The following TMC3 variants were observed in gnomAD, a reference collection of about 807,000 sequenced individuals.
The protein encoded by TMC3 is transmembrane channel-like protein 3.
Under a neutral mutation model 110.6 loss-of-function variants are expected in TMC3, and 98 were observed. That is an observed-to-expected ratio of 0.89 (90% CI 0.75 to 1.05). The LOEUF is 1.05. Among genes scored for constraint, TMC3 ranks in the 50% least tolerant of loss-of-function variants. The probability of loss-of-function intolerance (pLI) is 0.00; values close to 1 mark genes in which losing one functional copy is unlikely to be tolerated. For synonymous variants in TMC3, 489 were observed against 513.1 expected (o/e 0.95, Z 0.63); for missense variants, 1,319 against 1,373.2 (o/e 0.96, Z 0.62).
rs769837970 is a variant in TMC3, at chr15:81,333,059, T to G, written c.2663A>C (p.Tyr888Ser). ...GTAAGAGTCACATTCATTAATGACATAGTATCTGGGGGCGTGGGGCCTGGG... is the reference window on the plus strand; with the variant it reads ...GTAAGAGTCACATTCATTAATGACAGAGTATCTGGGGGCGTGGGGCCTGGG... ...QGPRPHAPRY[Y>S]VINECDSYKK... The change falls in exon 22 of 22, where the codon TAT (tyrosine) becomes TCT (serine). Residue 888 changes from tyrosine (Y) to serine (S), a missense_variant. Coordinates refer to ENST00000359440, the MANE Select transcript of TMC3 (RefSeq NM_001080532.3). The G allele has an allele frequency of 4.3e-6, 7 of 1,614,004 alleles. No homozygotes were observed. The African/African-American group carries it at 6.7e-5, about 15-fold the overall frequency.
chr15:81,362,619 C>G (rs923018379), intron 3 of TMC3, among the ~76,000 whole-genome samples: 4 of 152,094 alleles, frequency 2.6e-5, no homozygotes, highest in African/African-American at 9.7e-5. Flanking sequence ...TTTGCATTAG[C>G]CATCCCATTC....
At chr15:81,333,366 C>G in intron 21 of TMC3, 104 bp from the exon 22 acceptor site, 5 of 1,421,550 alleles carry the variant, frequency 3.5e-6, no homozygotes, top group Non-Finnish European at 4.7e-6. Flanking sequence ...TTCACTGAGG[C>G]TGGTTCCAAC....
rs200283479 is a variant in TMC3 at position 81,334,814 on chromosome 15, G to A, written c.2365C>T (p.Gln789Ter). The A allele has an allele frequency of 6.8e-6, 11 of 1,614,004 alleles. No homozygotes were observed. Among genetic ancestry groups the A allele is most frequent in the African/African-American group, 1.3e-5 (1 of 75,052 alleles). ...SKSGRIETVA[Q>*]SMPQSPRPGD... is the part of the protein sequence containing the mutation. ...GGCCTCGGGCTCTGGGGCATGGACT[G>A]TGCGACTGTCTCTATCCTGCCACTC... Residue 789 changes from glutamine to a stop codon, truncating the protein, a stop_gained, in exon 21 of 22, where the codon CAG becomes TAG. Coordinates refer to ENST00000359440, the MANE Select transcript of TMC3 (RefSeq NM_001080532.3). LOFTEE classifies it high-confidence loss of function.
At chr15:81,337,501 G>T in intron 19 of TMC3, 1 of 403,798 alleles carries the variant, frequency 2.5e-6, no homozygotes, top group Admixed American at 3.6e-5. Context: ...TTGGGAAGGG[G>T]CCCTTTCTCT....
rs1894064961 is a variant in TMC3, at chr15:81,356,507, G to T, written c.831C>A (p.Tyr277Ter). 1 of 1,570,832 alleles carries T rather than the reference G, an allele frequency of 6.4e-7. No individual in the cohort carries two copies. Among genetic ancestry groups the T allele is most frequent in the East Asian group, 2.3e-5 (1 of 42,604 alleles). Residue 277 changes from tyrosine (Y) to a stop codon, truncating the protein, a stop_gained, in exon 8 of 22, where the codon TAC becomes TAA. Transcript: ENST00000359440. LOFTEE classifies it high-confidence loss of function. ...CTGCAGCCTCTGGGTTTCCAATGAG[G>T]TAATCCCAGGCACAGAACACCCGCC... ...FCWRVFCAWD[Y>*]LIGNPEAAES...
rs370641374 is a variant in TMC3, at chr15:81,333,049, A to T, written c.2673T>A (p.Asn891Lys). The T allele has an allele frequency of 6.2e-7, 1 of 1,613,986 alleles. No individual in the cohort carries two copies. Among genetic ancestry groups the T allele is most frequent in the Non-Finnish European group, 8.5e-7 (1 of 1,179,886 alleles). The change falls in exon 22 of 22, where the codon AAT (asparagine) becomes AAA (lysine). Residue 891 changes from asparagine to lysine, a missense_variant. Coordinates refer to ENST00000359440, the MANE Select transcript of TMC3 (RefSeq NM_001080532.3). Reference protein sequence around the residue: ...RPHAPRYYVINECDSYKKKHL... With the variant: ...RPHAPRYYVIKECDSYKKKHL... ...GTTTTTTCTTGTAAGAGTCACATTCATTAATGACATAGTATCTGGGGGCGT... is the reference window on the plus strand; with the variant it reads ...GTTTTTTCTTGTAAGAGTCACATTCTTTAATGACATAGTATCTGGGGGCGT...
intron 4 of TMC3, among the ~76,000 whole-genome samples, chr15:81,359,894 T>C (rs1325341901): frequency 6.6e-6 from 1 of 152,160 alleles, no homozygotes; most frequent in Non-Finnish European, 1.5e-5. Flanking sequence ...TAAAACACCA[T>C]TTGCTAGATG....
chr15:81,343,219 A>G (rs1431801132), intron 15 of TMC3, 59 bp downstream of exon 15: 1 of 1,089,476 alleles, frequency 9.2e-7, no homozygotes, highest in Non-Finnish European at 1.4e-6. Context: ...GACTAAGTAA[A>G]TTAAAATCTT....
At chr15:81,364,682 TA>T (rs35537034) in intron 3 of TMC3, among the ~76,000 whole-genome samples, 45 of 95,098 alleles carry the variant, frequency 4.7e-4, no homozygotes, top group African/African-American at 2.0e-3. Flanking sequence ...TAAAGTATAA[TA>T]AAAAAAAACA....
chr15:81,364,496 C>T (rs943196215), intron 3 of TMC3, among the ~76,000 whole-genome samples: 50 of 134,002 alleles, frequency 3.7e-4, no homozygotes, highest in African/African-American at 1.4e-3. Flanking sequence ...ATCACATGGA[C>T]ACAGGAAGGG....
At chr15:81,338,259 T>A (rs1476108998) in intron 18 of TMC3, among the ~76,000 whole-genome samples, 1 of 152,206 alleles carries the variant, frequency 6.6e-6, no homozygotes, top group Non-Finnish European at 1.5e-5. Flanking sequence ...CTTTTATTTT[T>A]TTTTCCTTTA....
chr15:81,351,560 C>T, intron 10 of TMC3, 134 bp downstream of exon 10: 12 of 1,129,946 alleles, frequency 1.1e-5, no homozygotes, highest in Non-Finnish European at 1.5e-5. Flanking sequence ...TCATGTTGGC[C>T]AGGCTGGGCT....
Position 81,372,544 on chromosome 15 carries a change from C to T in TMC3, c.236+47G>A, listed in dbSNP as rs755215804. The T allele has an allele frequency of 8.7e-6, 14 of 1,609,428 alleles. No homozygotes were observed. The East Asian group carries it at 1.3e-4, about 15-fold the overall frequency. On this transcript the variant is annotated intron_variant, in intron 2 of 21. Coordinates refer to ENST00000359440, the MANE Select transcript of TMC3 (RefSeq NM_001080532.3). ...CCATGGGCAAGGCAAGGTGGTTTAT[C>T]GGAAAGCATGCTTGTAATGATCAAT... is the stretch of plus-strand genomic sequence containing the variant.
intron 10 of TMC3, among the ~76,000 whole-genome samples, 187 bp from the exon 11 acceptor site, chr15:81,349,754 A>G (rs78529642): frequency 0.056 from 7,976 of 141,246 alleles, 262 homozygotes; most frequent in East Asian, 0.16. Context: ...CCACTTTATC[A>G]TGGTCTTTTT....
At position 81,362,259 on chromosome 15, in the gene TMC3, T is replaced by G. The variant is rs533578038; in HGVS notation, c.355A>C (p.Ile119Leu). 6.2e-7 allele frequency: 1 copy of G among 1,612,796 alleles called. No individual in the cohort carries two copies. The highest frequency in any genetic ancestry group is 1.1e-5 in the South Asian group (1 of 90,724). ...FARLACNFVV[I>L]FIPWEMRIKK... is the part of the protein sequence containing the mutation. ...ATCCTCATTTCCCAGGGAATGAAGA[T>G]GACCACAAAGTTACAGGCGAGACGA... The change falls in exon 4 of 22, where the codon ATC becomes CTC. Residue 119 changes from isoleucine to leucine, a missense_variant. Coordinates refer to ENST00000359440, the MANE Select transcript of TMC3 (RefSeq NM_001080532.3).
At chr15:81,333,379 G>C (rs1213047911) in intron 21 of TMC3, 117 bp from the exon 22 acceptor site, 1 of 1,360,348 alleles carries the variant, frequency 7.4e-7, no homozygotes, top group Non-Finnish European at 9.9e-7. Context: ...GTTCCAACTG[G>C]TTAATGGGTA....
chr15:81,364,187 A>G (rs1470695082), intron 3 of TMC3, among the ~76,000 whole-genome samples: 6 of 152,082 alleles, frequency 3.9e-5, no homozygotes, highest in African/African-American at 1.2e-4. Flanking sequence ...CCCCATCAGT[A>G]GTGCTTGAGG....
In TMC3 at chr15:81,367,209, A is replaced by G. The variant is rs539676711; in HGVS notation, c.312+1044T>C. ...TTAAATATCCACCAGCGGCCAAATG[A>G]CTAATTAAATTAATATACATTTATC... On this transcript the variant is annotated intron_variant, in intron 3 of 21. Transcript: ENST00000359440. Among the ~76,000 whole-genome samples, 9 of 152,328 alleles carry G rather than the reference A, an allele frequency of 5.9e-5. No individual in the cohort carries two copies. The South Asian group carries it at 1.9e-3, about 32-fold the overall frequency.
rs1893458313 is a variant in TMC3, at chr15:81,331,358, A to G, written c.*1061T>C. 1 of 152,284 alleles carries G rather than the reference A, an allele frequency of 6.6e-6. No homozygotes were observed. Among genetic ancestry groups the G allele is most frequent in the Non-Finnish European group, 1.5e-5 (1 of 68,080 alleles). The allele number at this position is 152,284 out of a possible 1,614,324, so 9.4% of individuals were successfully genotyped here. ...TGCAGCTGCGCTAGGGTGGTGAAGC[A>G]GGAACTCGCTGAGCCTCAAGGAATG... On this transcript the variant is annotated 3_prime_UTR_variant, in exon 22 of 22. Transcript: ENST00000359440.
Sources: allele counts gnomAD v4.1 joint callset (sites outside exome capture counted in the v4.1 genomes callset), GRCh38; gene constraint gnomAD v4.1.1; transcripts MANE v1.5; gene names NCBI Gene and HGNC (gene_info 2026-07-23, HGNC 2026-07-21).